Variants in ATXN2L observed in about 807,000 individuals in gnomAD.
The protein encoded by ATXN2L is ataxin 2 like.
Under a neutral mutation model 120.7 loss-of-function variants are expected in ATXN2L, and 24 were observed. The observed-to-expected ratio is 0.20, with a 90% CI of 0.14 to 0.28. The LOEUF (loss-of-function observed/expected upper bound fraction) is 0.28, where lower values mean the gene tolerates loss of function less well. ATXN2L is among the 10% of genes least tolerant of loss of function. The pLI is 1.00. For synonymous variants in ATXN2L, 653 were observed against 568.1 expected, an observed-to-expected ratio of 1.15 and a Z score of -2.13; for missense variants, 1,312 against 1,432.3, an observed-to-expected ratio of 0.92 and a Z score of 1.36.
Position 28,830,002 on chromosome 16 carries a change from G to C in ATXN2L, c.978G>C (p.Lys326Asn), listed in dbSNP as rs1163722203. 8 of 1,614,108 alleles carry C rather than the reference G, an allele frequency of 5.0e-6. No individual in the cohort carries two copies. The highest frequency in any genetic ancestry group is 6.8e-6 in the Non-Finnish European group (8 of 1,180,052). Reference protein sequence around the residue: ...ENDDGRTEEEKHSAVQRQGSG... With the variant: ...ENDDGRTEEENHSAVQRQGSG... ...ACGATGGGCGCACTGAAGAGGAGAA[G>C]CACAGTGCAGTCCAGCGGCAGGGCT... Residue 326 changes from lysine (K) to asparagine (N), a missense_variant, in exon 8 of 22, where the codon AAG (lysine) becomes AAC (asparagine). Coordinates refer to ENST00000336783, the MANE Select transcript of ATXN2L (RefSeq NM_007245.4).
intron 1 of ATXN2L, chr16:28,824,276 G>A: frequency 8.6e-7 from 1 of 1,164,778 alleles, no homozygotes; most frequent in Non-Finnish European, 1.1e-6. Flanking sequence ...GCCCTGCTCA[G>A]TTTTTCCTGT....
chr16:28,836,157 A>C lies in ATXN2L; in HGVS notation c.3120A>C (p.Gly1040=). 3.1e-6 allele frequency: 5 copies of C among 1,614,102 alleles called. No individual in the cohort carries two copies. Among genetic ancestry groups the C allele is most frequent in the Non-Finnish European group, 4.2e-6 (5 of 1,180,002 alleles). ...EQPGQAPGFP[G]GADDRIREFS... is the part of the protein sequence containing the mutation. ...CTGGCCAGGCGCCTGGATTTCCAGG[A>C]GGAGCCGATGACAGGATTCGTGAGT... is the stretch of plus-strand genomic sequence containing the variant. Residue 1040 remains glycine, a synonymous_variant, in exon 22 of 22, where the codon GGA becomes GGC. Transcript: ENST00000336783.
chr16:28,836,707 TTC>T lies in ATXN2L; in HGVS notation c.*446_*447del, dbSNP rs1159408003. The T allele has an allele frequency of 6.2e-7, 1 of 1,613,848 alleles. No homozygotes were observed. The highest frequency in any genetic ancestry group is 2.2e-5 in the East Asian group (1 of 44,858). ...CTTGGGTTCTAATGCTCCTGCTCTC[TTC>T]TCTTTCCCCTCCAACCAGTTCAATC... is the stretch of plus-strand genomic sequence containing the variant. On this transcript the variant is annotated 3_prime_UTR_variant, in exon 22 of 22. Coordinates refer to ENST00000336783, the MANE Select transcript of ATXN2L (RefSeq NM_007245.4).
chr16:28,825,271 A>T, intron 1 of ATXN2L, 95 bp from the exon 2 acceptor site: 1 of 1,151,604 alleles, frequency 8.7e-7, no homozygotes, highest in East Asian at 2.3e-5. Context: ...AATCAGCATC[A>T]TCAGGTGGTA....
Position 28,836,122 on chromosome 16 carries a change from G to T in ATXN2L, c.3085G>T (p.Gly1029Cys). ...SPYPYIGHPQ[G>C]EQPGQAPGFP... is the part of the protein sequence containing the mutation. Reference sequence around the variant, plus strand: ...CTACCCCTACATCGGACACCCCCAAGGTGAGCAGCCTGGCCAGGCGCCTGG... The same window carrying T: ...CTACCCCTACATCGGACACCCCCAATGTGAGCAGCCTGGCCAGGCGCCTGG... The change falls in exon 22 of 22, where the codon GGT becomes TGT. Residue 1029 changes from glycine to cysteine, a missense_variant. Coordinates refer to ENST00000336783, the MANE Select transcript of ATXN2L (RefSeq NM_007245.4). The T allele has an allele frequency of 6.2e-7, 1 of 1,614,176 alleles. No individual in the cohort carries two copies. The highest frequency in any genetic ancestry group is 1.1e-5 in the South Asian group (1 of 91,084).
rs1295945213 is a variant in ATXN2L, at chr16:28,824,600, C to T, written c.300-766C>T. ...AGGGGATGGGGTGTGGAGGGGATAC[C>T]CCTCCTCCCACAGTTTTGAGGCGTC... On this transcript the variant is annotated intron_variant, in intron 1 of 21. Coordinates refer to ENST00000336783, the MANE Select transcript of ATXN2L (RefSeq NM_007245.4). The T allele has an allele frequency of 1.4e-5, 18 of 1,242,794 alleles. No homozygotes were observed. In the Admixed American group the frequency reaches 1.6e-4, roughly 11 times the overall value. 77.0% of individuals were successfully genotyped at this position (1,242,794 alleles called of 1,614,324 possible). A position where few individuals can be genotyped will look rare whatever the true frequency, so the allele number is the denominator to read the frequency against.
In ATXN2L at chr16:28,826,252, G is replaced by C. The variant is rs372682331; in HGVS notation, c.478G>C (p.Val160Leu). 1 of 1,614,160 alleles carries C rather than the reference G, an allele frequency of 6.2e-7. No homozygotes were observed. Among genetic ancestry groups the C allele is most frequent in the Admixed American group, 1.7e-5 (1 of 60,020 alleles). The part of the protein sequence containing the change: ...KTLSSKFELA[V>L]DAVHRKASEP... Reference sequence around the variant, plus strand: ...GGGGTGTTTGTAGTTTGAACTAGCCGTGGATGCTGTGCACCGGAAAGCATC... The same window carrying C: ...GGGGTGTTTGTAGTTTGAACTAGCCCTGGATGCTGTGCACCGGAAAGCATC... Residue 160 changes from valine (V) to leucine (L), a missense_variant, in exon 5 of 22, where the codon GTG (valine) becomes CTG (leucine). Physicochemically the swap from Val to Leu is conservative, Grantham distance 32. Transcript: ENST00000336783.
At chr16:28,834,270 T>G in intron 16 of ATXN2L, 59 bp downstream of exon 16, 1 of 1,610,460 alleles carries the variant, frequency 6.2e-7, no homozygotes, top group South Asian at 1.1e-5. Context: ...TTGCGCTGGT[T>G]GAGGGACCAG....
At chr16:28,834,283 C>G (rs763758402) in intron 16 of ATXN2L, 60 bp from the exon 17 acceptor site, 17 of 1,611,636 alleles carry the variant, frequency 1.1e-5, no homozygotes, top group South Asian at 4.4e-5. Flanking sequence ...GGGACCAGGT[C>G]AGGCCTGTCT....
Position 28,836,660 on chromosome 16 carries a change from G to T in ATXN2L, c.*395G>T. On this transcript the variant is annotated 3_prime_UTR_variant, in exon 22 of 22. Transcript: ENST00000336783. ...CACACCCCCACGCCCCCACTGGACG[G>T]CATTGGAGGAAGGGACAGCTGCTTG... 1 of 1,612,650 alleles carries T rather than the reference G, an allele frequency of 6.2e-7. No homozygotes were observed. Among genetic ancestry groups the T allele is most frequent in the South Asian group, 1.1e-5 (1 of 90,992 alleles).
chr16:28,827,078 C>T (rs1408115090), intron 6 of ATXN2L, 92 bp downstream of exon 6: 2 of 1,247,776 alleles, frequency 1.6e-6, no homozygotes, highest in Non-Finnish European at 1.0e-6. Flanking sequence ...GAAATATTTA[C>T]TGTTGCCCAT....
In ATXN2L at chr16:28,825,469, G is replaced by A. The variant is rs949170488; in HGVS notation, c.336+67G>A. The A allele has an allele frequency of 1.6e-5, 25 of 1,561,692 alleles. No individual in the cohort carries two copies. The African/African-American group carries it at 2.7e-4, about 17-fold the overall frequency. The stretch of plus-strand genomic sequence containing the variant: ...AAAGATGCATAATGTGGGAATATAG[G>A]GCACATTAGGTCTAGATAGAGTCTA... On this transcript the variant is annotated intron_variant, in intron 2 of 21. Transcript: ENST00000336783.
chr16:28,830,471 G>T (rs1596917972), intron 8 of ATXN2L, 144 bp from the exon 9 acceptor site: 1 of 795,904 alleles, frequency 1.3e-6, no homozygotes, highest in East Asian at 2.8e-5. Flanking sequence ...AACTAGGGCA[G>T]ATCTTCAAGT....
At chr16:28,831,598 G>A (rs1017454927) in intron 10 of ATXN2L, among the ~76,000 whole-genome samples, 9 of 152,172 alleles carry the variant, frequency 5.9e-5, no homozygotes, top group African/African-American at 1.7e-4. Context: ...AAAGTGCTGG[G>A]ATTACAGGCG....
intron 1 of ATXN2L, chr16:28,823,947 A>G: frequency 3.6e-6 from 1 of 275,844 alleles, no homozygotes; most frequent in Non-Finnish European, 5.7e-6. Context: ...TGCTGCGGGA[A>G]GGGGTCCCCG....
chr16:28,823,435 T>G lies in ATXN2L; in HGVS notation c.176T>G (p.Leu59Arg). The change falls in exon 1 of 22, where the codon CTG becomes CGG. Residue 59 changes from leucine (L) to arginine (R), a missense_variant. Coordinates refer to ENST00000336783, the MANE Select transcript of ATXN2L (RefSeq NM_007245.4). ...CCTCCAGCGGCCGCCTCCCCCTGCC[T>G]GGGGCCTGTGGCCGCTGCCGGGAGC... ...PGPPAAASPC[L>R]GPVAAAGSGL... 1 of 1,317,608 alleles carries G rather than the reference T, an allele frequency of 7.6e-7. No homozygotes were observed. 81.6% of individuals were successfully genotyped at this position (1,317,608 alleles called of 1,614,324 possible). A position where few individuals can be genotyped will look rare whatever the true frequency, so the allele number is the denominator to read the frequency against.
Position 28,832,848 on chromosome 16 carries a change from C to T in ATXN2L, c.1620C>T (p.Phe540=), listed in dbSNP as rs115538552. The T allele has an allele frequency of 1.1e-3, 1,841 of 1,614,114 alleles. 14 individuals carry two copies. In the African/African-American group the frequency reaches 0.021, roughly 19 times the overall value. Residue 540 remains phenylalanine, a synonymous_variant, in exon 13 of 22, where the codon TTC becomes TTT. Transcript: ENST00000336783. ...VPGLQNEQKR[F]QLEELRKFGA... is the part of the protein sequence containing the mutation. ...GTCTTCAGAATGAACAGAAACGATT[C>T]CAACTGGAAGAACTGAGAAAGTTTG... is the stretch of plus-strand genomic sequence containing the variant.
intron 18 of ATXN2L, 34 bp from the exon 19 acceptor site, chr16:28,835,024 G>A: frequency 2.5e-6 from 4 of 1,592,098 alleles, no homozygotes; most frequent in Non-Finnish European, 3.4e-6. Context: ...CCAGCTGGCG[G>A]CTGTGCCAAC....
rs755078791 is a variant in ATXN2L at position 28,834,684 on chromosome 16, C to T, written c.2424C>T (p.Tyr808=). 17 of 1,611,832 alleles carry T rather than the reference C, an allele frequency of 1.1e-5. No individual in the cohort carries two copies. In the South Asian group the frequency reaches 1.7e-4, roughly 16 times the overall value. Residue 808 remains tyrosine (Y), a synonymous_variant, in exon 18 of 22, where the codon TAC becomes TAT. Transcript: ENST00000336783. ...QPAMMQPMAH[Y]PSQPVFAPML... ...CCATGATGCAGCCCATGGCCCACTA[C>T]CCCTCACAGGTGACTGCGGCCCAGG...
Sources: allele counts gnomAD v4.1 joint callset (sites outside exome capture counted in the v4.1 genomes callset), GRCh38; gene constraint gnomAD v4.1.1; transcripts MANE v1.5; gene names NCBI Gene and HGNC (gene_info 2026-07-23, HGNC 2026-07-21).